ACACB: variants seen among roughly 807,000 people sequenced by gnomAD.
ACACB encodes acetyl-CoA carboxylase beta.
ACACB carries 209 observed loss-of-function variants against 278.8 expected under a neutral mutation model. The ratio of observed to expected loss-of-function variants is 0.75; its 90% CI spans 0.67 to 0.84. ACACB has a LOEUF of 0.84. Ranked by LOEUF, ACACB falls within the 40% of genes least tolerant of loss-of-function variation. The pLI, the probability that ACACB is intolerant of heterozygous loss-of-function variation, is 0.00. For missense variants in ACACB, 2,850 were observed against 3,269.0 expected, an observed-to-expected ratio of 0.87 and a Z score of 3.13; for synonymous variants, 1,174 against 1,285.6, an observed-to-expected ratio of 0.91 and a Z score of 1.86.
chr12:109,123,883 T>C (rs1372468962), intron 1 of ACACB, among the ~76,000 whole-genome samples: 1 of 151,486 alleles, frequency 6.6e-6, no homozygotes, highest in Non-Finnish European at 1.5e-5. Flanking sequence ...GGTAACAGAG[T>C]TTGCCATGTT....
At chr12:109,222,294 C>CGAGTGTGTGAGTGAGTGAGT (rs2046190737) in intron 24 of ACACB, among the ~76,000 whole-genome samples, 1 of 150,862 alleles carries the variant, frequency 6.6e-6, no homozygotes, top group South Asian at 2.1e-4. Context: ...AATGGGTGGC[C>CGAGTGTGTGAGTGAGTGAGT]GAGTGAGTGA....
At chr12:109,223,192 A>G (rs1326873612) in intron 26 of ACACB, among the ~76,000 whole-genome samples, 1 of 152,124 alleles carries the variant, frequency 6.6e-6, no homozygotes, top group African/African-American at 2.4e-5. Flanking sequence ...CATATGGAGC[A>G]TATCTGGAAG....
At chr12:109,248,451 A>G (rs1474851013) in intron 40 of ACACB, among the ~76,000 whole-genome samples, 4 of 152,232 alleles carry the variant, frequency 2.6e-5, no homozygotes, top group African/African-American at 7.2e-5. Context: ...AAAGCCTCAA[A>G]AGTAGGGAAG....
At chr12:109,234,857 A>G (rs2046588050) in intron 31 of ACACB, among the ~76,000 whole-genome samples, 1 of 151,050 alleles carries the variant, frequency 6.6e-6, no homozygotes, top group African/African-American at 2.4e-5. Flanking sequence ...GCAGCAAACC[A>G]CCATGGCACA....
Position 109,242,453 on chromosome 12 carries a change from T to A in ACACB, c.5039T>A (p.Phe1680Tyr), listed in dbSNP as rs2046825970. ...CTGGTCCAGATCATGTTTCACTCCT[T>A]CGGCAACAAGCAAGGGCCCCAGCAC... Reference protein sequence around the residue: ...SRSGNIMFHSFGNKQGPQHGM... With the variant: ...SRSGNIMFHSYGNKQGPQHGM... The change falls in exon 37 of 53, where the codon TTC becomes TAC. Residue 1680 changes from phenylalanine (F) to tyrosine (Y), a missense_variant. Around this residue, in one of 3 missense-constraint regions of ACACB, gnomAD observed 2,265 missense variants for 2,561.3 expected, o/e 0.88. Coordinates refer to ENST00000338432, the MANE Select transcript of ACACB (RefSeq NM_001093.4). 1 of 1,613,728 alleles carries A rather than the reference T, an allele frequency of 6.2e-7. No homozygotes were observed. The highest frequency in any genetic ancestry group is 8.5e-7 in the Non-Finnish European group (1 of 1,179,840).
At chr12:109,125,670 C>A (rs1031303581) in intron 1 of ACACB, 10 of 152,306 alleles carry the variant, frequency 6.6e-5, no homozygotes, top group South Asian at 2.1e-4. Flanking sequence ...ATGACTTGAT[C>A]TGTATTAGTT....
chr12:109,187,374 A>G (rs542281199), intron 12 of ACACB, among the ~76,000 whole-genome samples: 31 of 152,252 alleles, frequency 2.0e-4, no homozygotes, highest in African/African-American at 7.0e-4. Flanking sequence ...AGCTCCATCA[A>G]TCATCAATGT....
chr12:109,242,562 C>T lies in ACACB; in HGVS notation c.5148C>T (p.Tyr1716=). Residue 1716 remains tyrosine, a synonymous_variant, in exon 37 of 53, where the codon TAC becomes TAT. Coordinates refer to ENST00000338432, the MANE Select transcript of ACACB (RefSeq NM_001093.4). ...AGGCCCAGACCCTGGGAACCACCTA[C>T]ATCTATGACTTCCCGGAAATGTTCA... ...RFQAQTLGTT[Y]IYDFPEMFRQ... 1 of 1,614,144 alleles carries T rather than the reference C, an allele frequency of 6.2e-7. No homozygotes were observed. Among genetic ancestry groups the T allele is most frequent in the Non-Finnish European group, 8.5e-7 (1 of 1,179,998 alleles).
At chr12:109,186,422 C>G (rs1332856993) in intron 12 of ACACB, among the ~76,000 whole-genome samples, 1 of 152,140 alleles carries the variant, frequency 6.6e-6, no homozygotes, top group Non-Finnish European at 1.5e-5. Context: ...AAAGCCATGC[C>G]TATCTTTGGG....
At chr12:109,151,349 G>A (rs1457632084) in intron 2 of ACACB, among the ~76,000 whole-genome samples, 2 of 152,056 alleles carry the variant, frequency 1.3e-5, no homozygotes, top group Non-Finnish European at 2.9e-5. Flanking sequence ...CTTGTATTAA[G>A]TTAATACAAG....
At chr12:109,170,676 G>A (rs1329072147) in intron 4 of ACACB, among the ~76,000 whole-genome samples, 1 of 152,088 alleles carries the variant, frequency 6.6e-6, no homozygotes, top group Non-Finnish European at 1.5e-5. Flanking sequence ...TTGTTCATGA[G>A]TATAGAGCTT....
chr12:109,250,420 C>T (rs1198846574), intron 41 of ACACB, among the ~76,000 whole-genome samples: 1 of 152,196 alleles, frequency 6.6e-6, no homozygotes, highest in Non-Finnish European at 1.5e-5. Context: ...TTACACCCAA[C>T]AGAATCAGCA....
intron 49 of ACACB, among the ~76,000 whole-genome samples, chr12:109,262,856 A>G (rs556161308): frequency 9.4e-5 from 14 of 149,220 alleles, no homozygotes; most frequent in African/African-American, 2.7e-4. Flanking sequence ...GGCTCAAGCA[A>G]TCCACCTACC....
chr12:109,182,506 T>G (rs550068385), intron 11 of ACACB, among the ~76,000 whole-genome samples: 97 of 152,328 alleles, frequency 6.4e-4, no homozygotes, highest in African/African-American at 2.2e-3. Context: ...TAGCTGAGAC[T>G]ACAAGTGTGC....
At chr12:109,175,747 C>A (rs536143269) in intron 7 of ACACB, among the ~76,000 whole-genome samples, 184 bp from the exon 8 acceptor site, 10 of 152,224 alleles carry the variant, frequency 6.6e-5, no homozygotes, top group African/African-American at 2.4e-4. Context: ...ATTTCTCATT[C>A]AAGGTTGGGT....
chr12:109,214,495 C>T (rs1335192685), intron 22 of ACACB, among the ~76,000 whole-genome samples: 1 of 152,212 alleles, frequency 6.6e-6, no homozygotes, highest in Non-Finnish European at 1.5e-5. Flanking sequence ...AACACATAGA[C>T]TGCTAACCTT....
chr12:109,140,288 TTCC>T (rs1565857602), intron 2 of ACACB, among the ~76,000 whole-genome samples: 1 of 98,156 alleles, frequency 1.0e-5, no homozygotes, highest in East Asian at 2.7e-4. Flanking sequence ...CCTTCCTTCC[TTCC>T]TTCCTTCCTT....
chr12:109,132,914 T>C (rs1468959904), intron 1 of ACACB, among the ~76,000 whole-genome samples: 2 of 152,158 alleles, frequency 1.3e-5, no homozygotes, highest in African/African-American at 4.8e-5. Context: ...ACTGCATTCG[T>C]CAGAGCCTCC....
At chr12:109,134,518 T>A (rs2042921990) in intron 1 of ACACB, among the ~76,000 whole-genome samples, 1 of 152,164 alleles carries the variant, frequency 6.6e-6, no homozygotes, top group Non-Finnish European at 1.5e-5. Flanking sequence ...AATTTCAAAA[T>A]TTTTCCTGAG....
Sources: allele counts gnomAD v4.1 joint callset (sites outside exome capture counted in the v4.1 genomes callset), GRCh38; gene constraint gnomAD v4.1.1; regional missense constraint gnomAD v4.1.1; transcripts MANE v1.5; gene names NCBI Gene and HGNC (gene_info 2026-07-23, HGNC 2026-07-21).